The following MCF2L2 variants were observed in gnomAD, a reference collection of about 807,000 sequenced individuals.
MCF2L2 encodes the protein MCF.2 cell line derived transforming sequence-like 2.
MCF2L2 carries 102 observed loss-of-function variants against 150.2 expected under a neutral mutation model. The observed-to-expected ratio is 0.68, with a 90% CI of 0.58 to 0.80. The LOEUF (loss-of-function observed/expected upper bound fraction) is 0.80. Ranked by LOEUF, MCF2L2 falls within the 30% of genes least tolerant of loss-of-function variation. The pLI is 0.00. For missense variants in MCF2L2, 1,256 were observed against 1,372.8 expected, an observed-to-expected ratio of 0.91 and a Z score of 1.34; for synonymous variants, 465 against 491.3, an observed-to-expected ratio of 0.95 and a Z score of 0.71.
At chr3:183,269,210 G>A (rs1221962176) in intron 15 of MCF2L2, among the ~76,000 whole-genome samples, 1 of 120,186 alleles carries the variant, frequency 8.3e-6, no homozygotes, top group Non-Finnish European at 1.6e-5. Flanking sequence ...AAGTATACAC[G>A]ATTATAGCCG....
chr3:183,304,012 C>CA (rs1191258790), intron 10 of MCF2L2, among the ~76,000 whole-genome samples: 2 of 152,216 alleles, frequency 1.3e-5, no homozygotes, highest in Non-Finnish European at 2.9e-5. Context: ...TTCAGGCCTC[C>CA]ATCCCTTCTC....
Position 183,428,155 on chromosome 3 carries a change from C to G in MCF2L2, c.-178G>C. The G allele has an allele frequency of 1.7e-6, 1 of 592,220 alleles. No individual in the cohort carries two copies. The highest frequency in any genetic ancestry group is 3.0e-6 in the Non-Finnish European group (1 of 334,706). The allele number at this position is 592,220 out of a possible 1,614,324, so 36.7% of individuals were successfully genotyped here. ...TAGGCCAGCTCTCCCTCGCCACGCC[C>G]CGCGGGGGCTCCCGTGACAGACCAA... On this transcript the variant is annotated 5_prime_UTR_variant, in exon 1 of 30. Coordinates refer to ENST00000328913, the MANE Select transcript of MCF2L2 (RefSeq NM_015078.4). This position sits in a 1 kb window ranked among gnomAD's most constrained non-coding sequence, Gnocchi z 5.1.
chr3:183,311,047 G>GA lies in MCF2L2; in HGVS notation c.879-19dup. The GA allele has an allele frequency of 6.7e-7, 1 of 1,489,500 alleles. No homozygotes were observed. The highest frequency in any genetic ancestry group is 1.1e-5 in the South Asian group (1 of 88,314). The allele number at this position is 1,489,500 out of a possible 1,614,324, so 92.3% of individuals were successfully genotyped here. On this transcript the variant is annotated intron_variant, in intron 8 of 29. Transcript: ENST00000328913. ...CTAATAACCTTTCAAGAAAGAATGA[G>GA]AAAGTGATGTTAGGTTAGCATTCAT...
At chr3:183,265,647 C>T (rs1373005986) in intron 15 of MCF2L2, 1 of 152,250 alleles carries the variant, frequency 6.6e-6, no homozygotes, top group Non-Finnish European at 1.5e-5. Flanking sequence ...GAAAGGCCTC[C>T]TAGTGACTAT....
At chr3:183,326,785 T>G (rs923069713) in intron 5 of MCF2L2, among the ~76,000 whole-genome samples, 2 of 152,120 alleles carry the variant, frequency 1.3e-5, no homozygotes, top group Non-Finnish European at 2.9e-5. Flanking sequence ...GATGCAAAAC[T>G]GTCCCATCGC....
intron 3 of MCF2L2, among the ~76,000 whole-genome samples, chr3:183,369,700 C>A (rs1050639690): frequency 2.0e-5 from 3 of 151,960 alleles, no homozygotes. Flanking sequence ...GGTCACCCTG[C>A]AGGTTGGAAC....
intron 15 of MCF2L2, chr3:183,265,276 C>G (rs1725989764): frequency 6.6e-6 from 1 of 152,386 alleles, no homozygotes; most frequent in Admixed American, 6.5e-5. Flanking sequence ...GGCCACTGAC[C>G]CGTGCTGCAG....
chr3:183,403,221 G>A (rs567572596), intron 1 of MCF2L2, among the ~76,000 whole-genome samples: 2 of 152,272 alleles, frequency 1.3e-5, no homozygotes, highest in South Asian at 2.1e-4. Flanking sequence ...GCAGTGAGCC[G>A]AGACTGCACC....
intron 1 of MCF2L2, among the ~76,000 whole-genome samples, chr3:183,414,406 T>C (rs1466608943): frequency 6.6e-6 from 1 of 152,226 alleles, no homozygotes; most frequent in Non-Finnish European, 1.5e-5. Flanking sequence ...TTTTTGCTTA[T>C]GTAAGGATGG....
At chr3:183,361,919 A>C (rs890573637) in intron 3 of MCF2L2, among the ~76,000 whole-genome samples, 2 of 152,208 alleles carry the variant, frequency 1.3e-5, no homozygotes, top group African/African-American at 4.8e-5. Flanking sequence ...CTGATGGATC[A>C]ATGTATACAA....
chr3:183,277,591 A>G lies in MCF2L2; in HGVS notation c.1777-634T>C, dbSNP rs577182333. On this transcript the variant is annotated intron_variant, in intron 14 of 29. Coordinates refer to ENST00000328913, the MANE Select transcript of MCF2L2 (RefSeq NM_015078.4). ...GATGCGTGATAACAAGTCTAACTAA[A>G]GAAGTACCTGGGATACTAGTTTTGC... 2.6e-5 allele frequency among the ~76,000 whole-genome samples: 4 copies of G among 152,056 alleles called. No homozygotes were observed. The South Asian group carries it at 6.2e-4, about 24-fold the overall frequency.
intron 1 of MCF2L2, among the ~76,000 whole-genome samples, chr3:183,419,808 G>A (rs1188730583): frequency 6.6e-6 from 1 of 152,216 alleles, no homozygotes. Context: ...GGGGGGCAGA[G>A]GTTGCAGTGA....
At chr3:183,299,792 G>A (rs1728744049) in intron 11 of MCF2L2, 3 of 522,204 alleles carry the variant, frequency 5.7e-6, no homozygotes, top group Non-Finnish European at 1.0e-5. Context: ...ACTTTAATGG[G>A]ATGTGGTGGG....
chr3:183,399,928 T>A (rs922321471), intron 1 of MCF2L2, among the ~76,000 whole-genome samples: 4 of 152,166 alleles, frequency 2.6e-5, no homozygotes, highest in African/African-American at 9.7e-5. Flanking sequence ...TGTTGGTAAT[T>A]TTAAAAAATA....
chr3:183,333,216 T>G (rs1730338314), intron 5 of MCF2L2, among the ~76,000 whole-genome samples: 1 of 152,006 alleles, frequency 6.6e-6, no homozygotes, highest in Non-Finnish European at 1.5e-5. Context: ...CTGACTAATT[T>G]TTGTATTTTT....
At chr3:183,402,626 C>T (rs921784130) in intron 1 of MCF2L2, among the ~76,000 whole-genome samples, 3 of 150,986 alleles carry the variant, frequency 2.0e-5, no homozygotes, top group Non-Finnish European at 4.4e-5. Flanking sequence ...CATAAGGAGA[C>T]CATGTCTCAA....
chr3:183,364,377 G>A (rs923184223), intron 3 of MCF2L2, among the ~76,000 whole-genome samples: 4 of 151,922 alleles, frequency 2.6e-5, no homozygotes, highest in African/African-American at 4.8e-5. Context: ...AAAATTAGCT[G>A]GGCATGGTGG....
intron 14 of MCF2L2, among the ~76,000 whole-genome samples, chr3:183,285,727 C>CT (rs1300338295): frequency 2.6e-5 from 4 of 152,044 alleles, no homozygotes; most frequent in South Asian, 2.1e-4. Flanking sequence ...TTTATTTTTT[C>CT]TTTTTTTTCA....
At chr3:183,275,961 T>TA (rs1322001426) in intron 15 of MCF2L2, among the ~76,000 whole-genome samples, 4 of 152,164 alleles carry the variant, frequency 2.6e-5, no homozygotes, top group African/African-American at 4.8e-5. Context: ...TCAACTAACT[T>TA]AAAGAACACT....
Sources: allele counts gnomAD v4.1 joint callset (sites outside exome capture counted in the v4.1 genomes callset), GRCh38; gene constraint gnomAD v4.1.1; non-coding constraint Gnocchi (gnomAD v3.1); transcripts MANE v1.5; gene names NCBI Gene and HGNC (gene_info 2026-07-23, HGNC 2026-07-21).